The following LBP variants were observed in gnomAD, a reference collection of about 807,000 sequenced individuals.
LBP encodes the protein lipopolysaccharide-binding protein.
Under a neutral mutation model 56.6 loss-of-function variants are expected in LBP, and 53 were observed. The observed-to-expected ratio is 0.94, with a 90% CI of 0.75 to 1.18. The LOEUF is 1.18. Among genes scored for constraint, LBP ranks in the 50% most tolerant of loss-of-function variants. The pLI is 0.00. For missense variants in LBP, 601 were observed against 598.3 expected, an observed-to-expected ratio of 1.00 and a Z score of -0.05; for synonymous variants, 227 against 247.5, an observed-to-expected ratio of 0.92 and a Z score of 0.78.
At chr20:38,359,986 T>C (rs1293340584) in intron 5 of LBP, among the ~76,000 whole-genome samples, 3 of 152,144 alleles carry the variant, frequency 2.0e-5, no homozygotes, top group Non-Finnish European at 4.4e-5. Context: ...ATGTGGTGGC[T>C]CACGTCTGTA....
intron 9 of LBP, among the ~76,000 whole-genome samples, chr20:38,367,582 C>T (rs1460042029): frequency 6.6e-6 from 1 of 152,176 alleles, no homozygotes; most frequent in African/African-American, 2.4e-5. Flanking sequence ...CACCCAGTTC[C>T]CATCTCAAGT....
rs11536946 is a variant in LBP, at chr20:38,355,266, C to A, written c.525-80C>A. On this transcript the variant is annotated intron_variant, in intron 4 of 14. Transcript: ENST00000217407. ...GAGAGGGCTCCCTTTGTGGACTGGCCTGACCAGGGACCAGGGCCTGGCTTT... is the reference window on the plus strand; with the variant it reads ...GAGAGGGCTCCCTTTGTGGACTGGCATGACCAGGGACCAGGGCCTGGCTTT... The A allele has an allele frequency of 7.5e-4, 985 of 1,317,208 alleles. 9 individuals carry two copies. The African/African-American group carries it at 0.013, about 17-fold the overall frequency. The allele number at this position is 1,317,208 out of a possible 1,614,324, so 81.6% of individuals were successfully genotyped here.
chr20:38,352,721 C>G (rs1465870523), intron 3 of LBP, among the ~76,000 whole-genome samples: 1 of 152,164 alleles, frequency 6.6e-6, no homozygotes, highest in East Asian at 1.9e-4. Flanking sequence ...CGCCACTGCA[C>G]TCCAGTCTGG....
intron 5 of LBP, among the ~76,000 whole-genome samples, chr20:38,355,787 G>A (rs1044966281): frequency 6.6e-6 from 1 of 152,108 alleles, no homozygotes; most frequent in Admixed American, 6.5e-5. Flanking sequence ...AAAGCTCAGC[G>A]AGGGCGTGGG....
intron 6 of LBP, among the ~76,000 whole-genome samples, chr20:38,361,465 T>A (rs2076859999): frequency 6.6e-6 from 1 of 151,994 alleles, no homozygotes; most frequent in South Asian, 2.1e-4. Flanking sequence ...AGTGCAGTGG[T>A]GTGATCTCGG....
At chr20:38,369,797 A>G (rs563129096) in intron 10 of LBP, among the ~76,000 whole-genome samples, 2 of 152,216 alleles carry the variant, frequency 1.3e-5, no homozygotes, top group African/African-American at 4.8e-5. Context: ...CTTCTCAACA[A>G]TTCCATCACT....
chr20:38,367,214 G>A (rs1270671393), intron 9 of LBP, among the ~76,000 whole-genome samples: 1 of 152,178 alleles, frequency 6.6e-6, no homozygotes, highest in Non-Finnish European at 1.5e-5. Context: ...AGCATTGTGG[G>A]TGGCCAAGGT....
In LBP at chr20:38,349,588, C is replaced by T; in HGVS notation, c.165C>T (p.Leu55=). 1 of 1,611,546 alleles carries T rather than the reference C, an allele frequency of 6.2e-7. No individual in the cohort carries two copies. Among genetic ancestry groups the T allele is most frequent in the Non-Finnish European group, 8.5e-7 (1 of 1,179,134 alleles). ...TATTAGCTCTGCAGAGTGAGCTGCT[C>T]AGGATCACGCTGCCTGACTTCACCG... The part of the protein sequence containing the change: ...EGLLALQSEL[L]RITLPDFTGD... The change falls in exon 2 of 15, where the codon CTC becomes CTT. Residue 55 remains leucine (L), a synonymous_variant. Transcript: ENST00000217407.
At chr20:38,374,057 G>T (rs755882306) in intron 14 of LBP, 44 bp downstream of exon 14, 1 of 1,584,456 alleles carries the variant, frequency 6.3e-7, no homozygotes, top group South Asian at 1.1e-5. Flanking sequence ...GAGGGAGGAG[G>T]TGGTTTGCAT....
intron 3 of LBP, among the ~76,000 whole-genome samples, chr20:38,353,787 T>C (rs1315463634): frequency 6.6e-6 from 1 of 152,156 alleles, no homozygotes; most frequent in Non-Finnish European, 1.5e-5. Context: ...ACTGGTGTCA[T>C]TGTTATTTTC....
chr20:38,351,993 A>G (rs1178911812), intron 3 of LBP, among the ~76,000 whole-genome samples: 1 of 151,748 alleles, frequency 6.6e-6, no homozygotes, highest in African/African-American at 2.4e-5. Context: ...AGCTGAGATC[A>G]TGCCACTGTA....
Position 38,364,700 on chromosome 20 carries a change from G to A in LBP, c.869G>A (p.Ser290Asn), listed in dbSNP as rs2076874617. The A allele has an allele frequency of 6.2e-7, 1 of 1,614,020 alleles. No individual in the cohort carries two copies. Among genetic ancestry groups the A allele is most frequent in the Non-Finnish European group, 8.5e-7 (1 of 1,179,954 alleles). The change falls in exon 8 of 15, where the codon AGC becomes AAC. Residue 290 changes from serine (S) to asparagine (N), a missense_variant. Physicochemically the swap from Ser to Asn is conservative, Grantham distance 46. Coordinates refer to ENST00000217407, the MANE Select transcript of LBP (RefSeq NM_004139.5). ...TCGGATTATGTCTTCAACACGGCCA[G>A]CCTGGTTTATCATGAGGAAGGATAT... ...AISDYVFNTA[S>N]LVYHEEGYLN... is the part of the protein sequence containing the mutation.
At chr20:38,347,444 T>C (rs2076804903) in intron 1 of LBP, among the ~76,000 whole-genome samples, 1 of 152,018 alleles carries the variant, frequency 6.6e-6, no homozygotes. Context: ...CTTGGGAGGC[T>C]GAGGCAGGAG....
intron 5 of LBP, among the ~76,000 whole-genome samples, chr20:38,358,233 C>T (rs979237485): frequency 2.0e-5 from 3 of 152,166 alleles, no homozygotes; most frequent in African/African-American, 7.2e-5. Context: ...TGAGTGAGAA[C>T]CAAAAAGCAG....
intron 2 of LBP, among the ~76,000 whole-genome samples, chr20:38,350,026 C>A (rs146084328): frequency 6.6e-6 from 1 of 152,012 alleles, no homozygotes; most frequent in African/African-American, 2.4e-5. Context: ...AGTAGCCCAA[C>A]GGTTAGAGCT....
intron 13 of LBP, 58 bp from the exon 14 acceptor site, chr20:38,373,879 C>G (rs2076908975): frequency 2.0e-6 from 3 of 1,472,904 alleles, no homozygotes; most frequent in Non-Finnish European, 1.9e-6. Flanking sequence ...CGGTAAAAAT[C>G]TGTCTCTAAT....
intron 7 of LBP, 140 bp from the exon 8 acceptor site, chr20:38,364,436 G>C: frequency 1.2e-6 from 1 of 809,150 alleles, no homozygotes; most frequent in Non-Finnish European, 2.0e-6. Flanking sequence ...TTCATTAAAA[G>C]ACATAACACT....
Position 38,373,100 on chromosome 20 carries a change from A to G in LBP, c.1289A>G (p.Tyr430Cys), listed in dbSNP as rs5744220. 7 of 1,613,962 alleles carry G rather than the reference A, an allele frequency of 4.3e-6. No homozygotes were observed. In the Admixed American group the frequency reaches 1.2e-4, roughly 27 times the overall value. ...GAGCTGTTGGAAGCGCTCCTCAACT[A>G]TTACATCCTTAACACCTTCTACCCC... ...NAELLEALLN[Y>C]YILNTFYPKF... Residue 430 changes from tyrosine (Y) to cysteine (C), a missense_variant, in exon 13 of 15, where the codon TAT (tyrosine) becomes TGT (cysteine). By Grantham distance (194) the Tyr-to-Cys change is radical. Coordinates refer to ENST00000217407, the MANE Select transcript of LBP (RefSeq NM_004139.5).
chr20:38,350,683 C>A, intron 2 of LBP, 128 bp from the exon 3 acceptor site: 2 of 1,039,480 alleles, frequency 1.9e-6, no homozygotes, highest in Non-Finnish European at 2.7e-6. Context: ...GCCTGGGGCA[C>A]AGCAGGTGCT....
Sources: allele counts gnomAD v4.1 joint callset (sites outside exome capture counted in the v4.1 genomes callset), GRCh38; gene constraint gnomAD v4.1.1; transcripts MANE v1.5; gene names NCBI Gene and HGNC (gene_info 2026-07-23, HGNC 2026-07-21).